The following LRRC4C variants were observed in gnomAD, a reference collection of about 807,000 sequenced individuals.
LRRC4C encodes leucine rich repeat containing 4C.
A neutral mutation model predicts 33.6 loss-of-function variants in LRRC4C; 5 were observed. That is an observed-to-expected ratio of 0.15 (90% CI 0.08 to 0.31). The LOEUF is 0.31. Among genes scored for constraint, LRRC4C ranks in the 10% least tolerant of loss-of-function variants. The pLI, the probability that LRRC4C is intolerant of heterozygous loss-of-function variation, is 1.00. For synonymous variants in LRRC4C, 329 were observed against 302.0 expected (o/e 1.09, Z -0.93); for missense variants, 560 against 796.7 (o/e 0.70, Z 3.58).
chr11:40,499,497 T>TA (rs1954636674), intron 3 of LRRC4C, among the ~76,000 whole-genome samples: 1 of 152,042 alleles, frequency 6.6e-6, no homozygotes, highest in East Asian at 1.9e-4. Context: ...ATTCAACCAG[T>TA]AGGAAAGAAG....
chr11:40,566,813 C>A (rs1170441400), intron 3 of LRRC4C, among the ~76,000 whole-genome samples: 1 of 151,978 alleles, frequency 6.6e-6, no homozygotes, highest in Non-Finnish European at 1.5e-5. Context: ...GCATGGGATA[C>A]CACCTGAAAA....
intron 3 of LRRC4C, among the ~76,000 whole-genome samples, chr11:40,576,247 C>A (rs1958187580): frequency 1.3e-5 from 2 of 152,164 alleles, no homozygotes; most frequent in Admixed American, 6.5e-5. Context: ...CCCAGGGACA[C>A]CAGGTTTTAG....
At chr11:40,411,724 AC>A (rs1347720810) in intron 3 of LRRC4C, among the ~76,000 whole-genome samples, 1 of 152,096 alleles carries the variant, frequency 6.6e-6, no homozygotes, top group Non-Finnish European at 1.5e-5. Flanking sequence ...TAGTTATAAA[AC>A]AATCACCTAT....
intron 5 of LRRC4C, among the ~76,000 whole-genome samples, chr11:40,152,676 A>C (rs1488401917): frequency 6.6e-6 from 1 of 151,882 alleles, no homozygotes. Context: ...GCTTTCCCCC[A>C]CTTAGCTGAC....
intron 3 of LRRC4C, among the ~76,000 whole-genome samples, chr11:40,625,758 T>A (rs900416199): frequency 6.6e-6 from 1 of 152,134 alleles, no homozygotes; most frequent in Non-Finnish European, 1.5e-5. Flanking sequence ...GAGCAAAAAA[T>A]TTTTTCTTCT....
At chr11:41,401,294 T>C (rs1031681224) in intron 1 of LRRC4C, among the ~76,000 whole-genome samples, 2 of 151,936 alleles carry the variant, frequency 1.3e-5, no homozygotes, top group Non-Finnish European at 2.9e-5. Flanking sequence ...CAAGTGCTCA[T>C]TAGTCAAAAA....
intron 3 of LRRC4C, among the ~76,000 whole-genome samples, chr11:40,535,094 T>C (rs1467547811): frequency 6.6e-6 from 1 of 152,178 alleles, no homozygotes; most frequent in African/African-American, 2.4e-5. Context: ...AAATTAGATG[T>C]ATAGGTAGCA....
At chr11:41,110,785 C>T (rs1565393383) in intron 1 of LRRC4C, among the ~76,000 whole-genome samples, 1 of 151,984 alleles carries the variant, frequency 6.6e-6, no homozygotes, top group Admixed American at 6.6e-5. Context: ...CACAAAGTCA[C>T]AACTGGGTGT....
intron 1 of LRRC4C, among the ~76,000 whole-genome samples, chr11:40,991,840 A>G (rs1853591307): frequency 6.6e-6 from 1 of 152,130 alleles, no homozygotes; most frequent in South Asian, 2.1e-4. Flanking sequence ...TTGGCTGTAA[A>G]TACTGATGAA....
chr11:41,219,634 C>T (rs1418161471), intron 1 of LRRC4C, among the ~76,000 whole-genome samples: 1 of 152,200 alleles, frequency 6.6e-6, no homozygotes, highest in African/African-American at 2.4e-5. Context: ...GACCATCACA[C>T]ACTGTGGTTT....
rs896398462 is a variant in LRRC4C at position 41,368,882 on chromosome 11, C to T, written c.-496+90549G>A. 3.3e-5 allele frequency among the ~76,000 whole-genome samples: 5 copies of T among 152,116 alleles called. No homozygotes were observed. In the East Asian group the frequency reaches 9.6e-4, roughly 29 times the overall value. ...ATCCTAAATATCCATTGTAAGAACC[C>T]ATTTGTAGACAGACATGTTATGGCT... On this transcript the variant is annotated intron_variant, in intron 1 of 6. Transcript: ENST00000528697.
At chr11:40,363,633 G>T (rs1948070619) in intron 3 of LRRC4C, among the ~76,000 whole-genome samples, 1 of 151,914 alleles carries the variant, frequency 6.6e-6, no homozygotes, top group African/African-American at 2.4e-5. Flanking sequence ...TCATATGTCT[G>T]ATGCATCTCA....
intron 2 of LRRC4C, among the ~76,000 whole-genome samples, chr11:40,713,332 TGCCCTTTA>T (rs1946556300): frequency 1.3e-5 from 2 of 152,228 alleles, no homozygotes. Flanking sequence ...CAAGTGAGCA[TGCCCTTTA>T]GAAAATTTGT....
chr11:41,000,642 A>G (rs939166686), intron 1 of LRRC4C, among the ~76,000 whole-genome samples: 3 of 152,188 alleles, frequency 2.0e-5, no homozygotes, highest in Admixed American at 6.5e-5. Flanking sequence ...GGAGCACCCT[A>G]TGGATTGGAC....
intron 1 of LRRC4C, among the ~76,000 whole-genome samples, chr11:41,009,182 T>C (rs1378645410): frequency 6.6e-6 from 1 of 152,008 alleles, no homozygotes; most frequent in African/African-American, 2.4e-5. Context: ...TTCTGATATA[T>C]GTAGTAAATT....
intron 5 of LRRC4C, among the ~76,000 whole-genome samples, chr11:40,170,863 G>C (rs768068581): frequency 9.9e-5 from 15 of 152,114 alleles, no homozygotes; most frequent in Non-Finnish European, 1.8e-4. Context: ...GAGAATGCCT[G>C]TGATTACAAA....
chr11:40,344,672 A>G (rs1947038520), intron 3 of LRRC4C, among the ~76,000 whole-genome samples: 1 of 152,138 alleles, frequency 6.6e-6, no homozygotes, highest in Non-Finnish European at 1.5e-5. Flanking sequence ...AGCAAAGGAA[A>G]GAAATAAAAT....
At chr11:40,969,462 CAAAAA>C (rs35793654) in intron 1 of LRRC4C, among the ~76,000 whole-genome samples, 2 of 143,284 alleles carry the variant, frequency 1.4e-5, no homozygotes, top group African/African-American at 5.1e-5. Flanking sequence ...TCTTACACTA[CAAAAA>C]AAAAAAAAAC....
At chr11:40,734,989 C>T (rs1052246742) in intron 2 of LRRC4C, among the ~76,000 whole-genome samples, 2 of 152,022 alleles carry the variant, frequency 1.3e-5, no homozygotes, top group South Asian at 2.1e-4. Context: ...TAATCTCTCT[C>T]TCTCTTCTGC....
Sources: allele counts gnomAD v4.1 joint callset (sites outside exome capture counted in the v4.1 genomes callset), GRCh38; gene constraint gnomAD v4.1.1; transcripts MANE v1.5; gene names NCBI Gene and HGNC (gene_info 2026-07-23, HGNC 2026-07-21).